The following MAP6 variants were observed in gnomAD, a reference collection of about 807,000 sequenced individuals.
MAP6 encodes the protein microtubule associated protein 6, also known as microtubule-associated protein 6.
Under a neutral mutation model 42.4 loss-of-function variants are expected in MAP6, and 26 were observed. That is an observed-to-expected ratio of 0.61 (90% CI 0.45 to 0.85). MAP6 has a LOEUF of 0.85. Among genes scored for constraint, MAP6 ranks in the 40% least tolerant of loss-of-function variants. The probability of loss-of-function intolerance (pLI) is 0.00; values close to 1 mark genes in which losing one functional copy is unlikely to be tolerated. For missense variants in MAP6, 966 were observed against 1,099.0 expected, an observed-to-expected ratio of 0.88 and a Z score of 1.71; for synonymous variants, 418 against 443.8, an observed-to-expected ratio of 0.94 and a Z score of 0.73.
intron 1 of MAP6, among the ~76,000 whole-genome samples, chr11:75,661,949 G>A (rs1211541689): frequency 6.6e-6 from 1 of 152,138 alleles, no homozygotes; most frequent in Non-Finnish European, 1.5e-5. Flanking sequence ...TAATTAGAGA[G>A]TGTGATAAGT....
At chr11:75,638,019 G>C (rs1050414222) in intron 1 of MAP6, among the ~76,000 whole-genome samples, 1 of 152,156 alleles carries the variant, frequency 6.6e-6, no homozygotes, top group Non-Finnish European at 1.5e-5. Context: ...AATAATAGGG[G>C]AATGGTTAAA....
intron 3 of MAP6, chr11:75,604,961 A>G: frequency 1.0e-6 from 1 of 985,370 alleles, no homozygotes; most frequent in East Asian, 1.1e-4. Context: ...CTATCCCTAC[A>G]CCTTGAACTT....
At position 75,661,835 on chromosome 11, in the gene MAP6, A is replaced by C. The variant is rs546717062; in HGVS notation, c.905+5630T>G. Among the ~76,000 whole-genome samples, 65 of 137,016 alleles carry C rather than the reference A, an allele frequency of 4.7e-4. 1 individual carries two copies. The South Asian group carries it at 9.3e-3, about 20-fold the overall frequency. The allele number at this position is 137,016 out of a possible 152,430, so 89.9% of individuals were successfully genotyped here. Reference sequence around the variant, plus strand: ...CCTAACCAACAGAGCAACACACACAAAAAAACAAGATATATAAATCTTGGA... The same window carrying C: ...CCTAACCAACAGAGCAACACACACACAAAAACAAGATATATAAATCTTGGA... On this transcript the variant is annotated intron_variant, in intron 1 of 3. Transcript: ENST00000304771.
At chr11:75,613,708 C>T (rs1053783418) in intron 1 of MAP6, among the ~76,000 whole-genome samples, 3 of 152,166 alleles carry the variant, frequency 2.0e-5, no homozygotes, top group Non-Finnish European at 2.9e-5. Flanking sequence ...TGATATCCCC[C>T]GGTGGGTGGG....
At position 75,668,644 on chromosome 11, in the gene MAP6, G is replaced by A. The variant is rs1462830646; in HGVS notation, c.-275C>T. The A allele has an allele frequency of 3.5e-6, 1 of 289,422 alleles. No individual in the cohort carries two copies. Among genetic ancestry groups the A allele is most frequent in the African/African-American group, 2.2e-5 (1 of 45,530 alleles). The allele number at this position is 289,422 out of a possible 1,614,324, so 17.9% of individuals were successfully genotyped here. On this transcript the variant is annotated 5_prime_UTR_variant, in exon 1 of 4. Coordinates refer to ENST00000304771, the MANE Select transcript of MAP6 (RefSeq NM_033063.2). ...AGGGTGAGACGCACGGCGTTCCCGAGTCCCCGGCGAGGGTGTCTGGGACGC... is the reference window on the plus strand; with the variant it reads ...AGGGTGAGACGCACGGCGTTCCCGAATCCCCGGCGAGGGTGTCTGGGACGC...
intron 3 of MAP6, among the ~76,000 whole-genome samples, chr11:75,595,390 A>G (rs1022994410): frequency 6.6e-6 from 1 of 152,194 alleles, no homozygotes; most frequent in African/African-American, 2.4e-5. Context: ...AAGTAACACA[A>G]GCCCCACAAC....
chr11:75,639,253 T>C (rs1943421078), intron 1 of MAP6, among the ~76,000 whole-genome samples: 1 of 152,212 alleles, frequency 6.6e-6, no homozygotes. Flanking sequence ...CACTACCTAA[T>C]ATATCCATGT....
chr11:75,614,625 C>G (rs1166808566), intron 1 of MAP6, among the ~76,000 whole-genome samples: 1 of 152,236 alleles, frequency 6.6e-6, no homozygotes, highest in Non-Finnish European at 1.5e-5. Context: ...AAGACCCAAA[C>G]CACCCTTCAC....
intron 1 of MAP6, among the ~76,000 whole-genome samples, chr11:75,666,829 G>A (rs897606902): frequency 2.6e-5 from 4 of 152,210 alleles, no homozygotes; most frequent in African/African-American, 9.7e-5. Context: ...AGAACATGAG[G>A]CCCAGAAAGG....
Position 75,621,979 on chromosome 11 carries a change from T to C in MAP6, c.906-13657A>G, listed in dbSNP as rs1943119583. 2.0e-5 allele frequency among the ~76,000 whole-genome samples: 3 copies of C among 151,874 alleles called. No homozygotes were observed. In the South Asian group the frequency reaches 6.2e-4, roughly 32 times the overall value. ...TGGAGGTTGTAGTGATCTGAGATCA[T>C]GCCACTGCACTCCAGCATGGGCCAC... On this transcript the variant is annotated intron_variant, in intron 1 of 3. Coordinates refer to ENST00000304771, the MANE Select transcript of MAP6 (RefSeq NM_033063.2).
chr11:75,639,171 G>A (rs1304780909), intron 1 of MAP6, among the ~76,000 whole-genome samples: 1 of 152,144 alleles, frequency 6.6e-6, no homozygotes, highest in East Asian at 1.9e-4. Context: ...GGCGGGTAAA[G>A]GATGAAGAAT....
At chr11:75,588,479 C>A (rs141443090) in intron 3 of MAP6, among the ~76,000 whole-genome samples, 11 of 152,062 alleles carry the variant, frequency 7.2e-5, no homozygotes, top group Admixed American at 5.2e-4. Flanking sequence ...TAGCTGGACT[C>A]GGAGTCATCC....
At chr11:75,619,957 T>C (rs1240430389) in intron 1 of MAP6, among the ~76,000 whole-genome samples, 1 of 152,194 alleles carries the variant, frequency 6.6e-6, no homozygotes, top group Non-Finnish European at 1.5e-5. Context: ...CATTCCTTTT[T>C]CTCCTCTACC....
At chr11:75,661,069 T>A (rs995038167) in intron 1 of MAP6, among the ~76,000 whole-genome samples, 7 of 152,006 alleles carry the variant, frequency 4.6e-5, no homozygotes, top group Non-Finnish European at 8.8e-5. Context: ...AAGATAATGC[T>A]ATGATCAATT....
intron 3 of MAP6, among the ~76,000 whole-genome samples, chr11:75,592,168 C>G (rs1942488822): frequency 6.6e-6 from 1 of 152,182 alleles, no homozygotes; most frequent in Non-Finnish European, 1.5e-5. Context: ...CGCTCAGCTC[C>G]CACCTCCTCC....
intron 1 of MAP6, among the ~76,000 whole-genome samples, chr11:75,646,489 C>A (rs1246004048): frequency 1.5e-5 from 2 of 135,748 alleles, no homozygotes. Context: ...TGGTGAAAAC[C>A]CATCTCTATT....
rs1246864629 is a variant in MAP6, at chr11:75,625,062, T to A, written c.906-16740A>T. Among the ~76,000 whole-genome samples the A allele has an allele frequency of 2.6e-5, 4 of 151,116 alleles. No homozygotes were observed. In the East Asian group the frequency reaches 5.8e-4, roughly 22 times the overall value. ...CTGGGGAGAGCAGGTGCTCTGGGAG[T>A]TCAAGGGCCTCGCCGAGGAATCTCA... On this transcript the variant is annotated intron_variant, in intron 1 of 3. Coordinates refer to ENST00000304771, the MANE Select transcript of MAP6 (RefSeq NM_033063.2).
In MAP6 at chr11:75,604,023, C is replaced by T. The variant is rs545918006; in HGVS notation, c.1316+1785G>A. 1.0e-5 allele frequency: 10 copies of T among 985,746 alleles called. No individual in the cohort carries two copies. In the South Asian group the frequency reaches 4.7e-4, roughly 46 times the overall value. The allele number at this position is 985,746 out of a possible 1,614,324, so 61.1% of individuals were successfully genotyped here. ...AAGAGTTGGAATCAGTGCCAGGATC[C>T]ACTCTAGTCATTTCCTGATAGCTTT... On this transcript the variant is annotated intron_variant, in intron 3 of 3. Transcript: ENST00000304771.
rs559334852 is a variant in MAP6 at position 75,609,782 on chromosome 11, A to T, written c.906-1460T>A. Among the ~76,000 whole-genome samples, 3 of 151,838 alleles carry T rather than the reference A, an allele frequency of 2.0e-5. No individual in the cohort carries two copies. In the South Asian group the frequency reaches 6.2e-4, roughly 32 times the overall value. On this transcript the variant is annotated intron_variant, in intron 1 of 3. Coordinates refer to ENST00000304771, the MANE Select transcript of MAP6 (RefSeq NM_033063.2). ...TAAGAGACCCTTCCCTGAGCTTCAG[A>T]CTCTCCTTTCCAGTGCAGCCTGGGT...
Sources: allele counts gnomAD v4.1 joint callset (sites outside exome capture counted in the v4.1 genomes callset), GRCh38; gene constraint gnomAD v4.1.1; transcripts MANE v1.5; gene names NCBI Gene and HGNC (gene_info 2026-07-23, HGNC 2026-07-21).